FERMT2: variants seen among roughly 807,000 people sequenced by gnomAD.
FERMT2 encodes the protein FERM domain containing kindlin 2.
Under a neutral mutation model 82.7 loss-of-function variants are expected in FERMT2, and 15 were observed. The ratio of observed to expected loss-of-function variants is 0.18; its 90% CI spans 0.12 to 0.28. FERMT2 has a LOEUF of 0.28. Among genes scored for constraint, FERMT2 ranks in the 10% least tolerant of loss-of-function variants. FERMT2 has a pLI of 1.00. For missense variants in FERMT2, 645 were observed against 809.4 expected, an observed-to-expected ratio of 0.80 and a Z score of 2.46; for synonymous variants, 274 against 271.5, an observed-to-expected ratio of 1.01 and a Z score of -0.09.
intron 3 of FERMT2, among the ~76,000 whole-genome samples, chr14:52,908,783 A>T (rs1888155548): frequency 6.6e-6 from 1 of 152,234 alleles, no homozygotes. Flanking sequence ...AAAGCTGATC[A>T]AAAGGATAAA....
intron 2 of FERMT2, among the ~76,000 whole-genome samples, chr14:52,944,417 C>T (rs1239474672): frequency 6.6e-6 from 1 of 152,220 alleles, no homozygotes; most frequent in Non-Finnish European, 1.5e-5. Context: ...ACTGCATAGG[C>T]ACCATTCCAC....
chr14:52,905,188 C>CA (rs71125148), intron 3 of FERMT2, among the ~76,000 whole-genome samples: 82,773 of 126,544 alleles, frequency 0.65, 26,775 homozygotes, highest in South Asian at 0.74. Context: ...GACTCCATCT[C>CA]AAAAAAAAAA....
chr14:52,904,511 T>C (rs996449576), intron 3 of FERMT2, among the ~76,000 whole-genome samples: 1 of 150,984 alleles, frequency 6.6e-6, no homozygotes, highest in African/African-American at 2.4e-5. Flanking sequence ...ATAAAGACTC[T>C]GTCTCAGAAA....
chr14:52,905,537 G>A (rs528829539), intron 3 of FERMT2, among the ~76,000 whole-genome samples: 3 of 152,314 alleles, frequency 2.0e-5, no homozygotes, highest in South Asian at 2.1e-4. Flanking sequence ...AGGTGGTGGC[G>A]AATAGACTAC....
At chr14:52,907,789 C>T (rs1458332100) in intron 3 of FERMT2, among the ~76,000 whole-genome samples, 1 of 151,646 alleles carries the variant, frequency 6.6e-6, no homozygotes, top group Non-Finnish European at 1.5e-5. Flanking sequence ...AAAAAAAACC[C>T]CACCAAAAAC....
intron 4 of FERMT2, among the ~76,000 whole-genome samples, chr14:52,892,141 C>A (rs112579420): frequency 0.011 from 1,591 of 147,418 alleles, 33 homozygotes; most frequent in African/African-American, 0.039. Context: ...CCAGAATATG[C>A]AAAGCAGAGA....
chr14:52,942,654 T>C (rs1890147686), intron 2 of FERMT2, among the ~76,000 whole-genome samples: 1 of 152,122 alleles, frequency 6.6e-6, no homozygotes, highest in South Asian at 2.1e-4. Flanking sequence ...CCACTCAGGT[T>C]GGATTCATTG....
intron 2 of FERMT2, among the ~76,000 whole-genome samples, chr14:52,919,856 G>A (rs535229293): frequency 1.3e-5 from 2 of 152,252 alleles, no homozygotes; most frequent in South Asian, 2.1e-4. Context: ...TAGGTGAAGA[G>A]GAGGAACAGG....
At chr14:52,865,762 CAGA>C (rs1181600771) in intron 10 of FERMT2, among the ~76,000 whole-genome samples, 2 of 152,104 alleles carry the variant, frequency 1.3e-5, no homozygotes, top group African/African-American at 2.4e-5. Context: ...ACTCCATATT[CAGA>C]AGAACAAATG....
chr14:52,860,868 T>C (rs1037371115), intron 12 of FERMT2: 22 of 673,716 alleles, frequency 3.3e-5, no homozygotes, highest in Non-Finnish European at 5.4e-5. Flanking sequence ...GGAATATTTG[T>C]TAGCAGCTTT....
chr14:52,927,126 G>A lies in FERMT2; in HGVS notation c.158-7770C>T, dbSNP rs559252989. On this transcript the variant is annotated intron_variant, in intron 2 of 14. Coordinates refer to ENST00000341590, the MANE Select transcript of FERMT2 (RefSeq NM_006832.3). ...TGCTCCTCAAATTCAGAAAGTGGTC[G>A]TACACTTGCTTTACAAATAAACATC... Among the ~76,000 whole-genome samples the A allele has an allele frequency of 1.4e-3, 214 of 152,124 alleles. 3 individuals are homozygous for A. Among genetic ancestry groups the A allele is most frequent in the Non-Finnish European group, 5.1e-4 (35 of 68,006 alleles).
chr14:52,892,435 C>A (rs1194067360), intron 4 of FERMT2, among the ~76,000 whole-genome samples: 1 of 147,016 alleles, frequency 6.8e-6, no homozygotes, highest in Non-Finnish European at 1.5e-5. Context: ...AGCCACAGTA[C>A]CCCGCCTGGT....
At chr14:52,873,428 T>A (rs1030380608) in intron 9 of FERMT2, among the ~76,000 whole-genome samples, 31 of 151,904 alleles carry the variant, frequency 2.0e-4, no homozygotes, top group African/African-American at 6.5e-4. Flanking sequence ...CACTCCAATA[T>A]CAAACACAGA....
chr14:52,865,165 C>CA (rs1189112035), intron 10 of FERMT2, among the ~76,000 whole-genome samples: 1 of 152,074 alleles, frequency 6.6e-6, no homozygotes, highest in Non-Finnish European at 1.5e-5. Flanking sequence ...CTACTAAATA[C>CA]AAAAAATTAG....
chr14:52,950,738 C>G (rs1890595813), intron 1 of FERMT2, 161 bp from the exon 2 acceptor site: 1 of 608,244 alleles, frequency 1.6e-6, no homozygotes, highest in Non-Finnish European at 2.8e-6. Context: ...TGCGGGAGGA[C>G]CCTACGCCCC....
At chr14:52,898,565 G>A (rs1594964077) in intron 3 of FERMT2, among the ~76,000 whole-genome samples, 2 of 152,126 alleles carry the variant, frequency 1.3e-5, no homozygotes, top group Admixed American at 1.3e-4. Flanking sequence ...AACATGTGAA[G>A]AGATCTAATG....
At chr14:52,878,525 A>G in intron 7 of FERMT2, 57 bp downstream of exon 7, 1 of 1,092,418 alleles carries the variant, frequency 9.2e-7, no homozygotes, top group African/African-American at 1.6e-5. Context: ...TTACTGTTTA[A>G]AAATACCTCC....
intron 2 of FERMT2, among the ~76,000 whole-genome samples, chr14:52,938,209 T>G (rs2139691062): frequency 6.6e-6 from 1 of 152,304 alleles, no homozygotes; most frequent in East Asian, 1.9e-4. Flanking sequence ...TCTTTTAAAA[T>G]GGTTTCAGCA....
chr14:52,863,432 G>A (rs1361076838), intron 12 of FERMT2: 8 of 151,996 alleles, frequency 5.3e-5, no homozygotes, highest in South Asian at 2.1e-4. Context: ...AAAGGTCTTC[G>A]TCTCCCCACC....
Sources: gnomAD v4.1 joint callset for allele counts (sites outside exome capture counted in the v4.1 genomes callset) on GRCh38, gnomAD v4.1.1 for gene constraint, MANE v1.5 for transcripts, NCBI Gene and HGNC (gene_info 2026-07-23, HGNC 2026-07-21) for gene names.